The following WNK1 variants were observed in gnomAD, a reference collection of about 807,000 sequenced individuals.
The protein encoded by WNK1 is WNK lysine deficient protein kinase 1.
A neutral mutation model predicts 222.8 loss-of-function variants in WNK1; 38 were observed. The observed-to-expected ratio is 0.17, with a 90% CI of 0.13 to 0.22. WNK1 has a LOEUF of 0.22. WNK1 is among the 10% of genes least tolerant of loss of function. WNK1 has a pLI of 1.00. For synonymous variants in WNK1, 1,090 were observed against 1,092.9 expected (o/e 1.00, Z 0.05); for missense variants, 2,348 against 2,918.4 (o/e 0.80, Z 4.50).
intron 1 of WNK1, among the ~76,000 whole-genome samples, chr12:755,782 C>G (rs915311337): frequency 2.6e-5 from 4 of 152,206 alleles, no homozygotes; most frequent in African/African-American, 9.6e-5. Context: ...CGAGACCAGC[C>G]TGACCAACAT....
At chr12:756,582 CT>C (rs1940070771) in intron 1 of WNK1, among the ~76,000 whole-genome samples, 3 of 152,280 alleles carry the variant, frequency 2.0e-5, no homozygotes, top group Admixed American at 6.5e-5. Flanking sequence ...GTCTGTGCTT[CT>C]GTAATTTTTT....
At position 862,170 on chromosome 12, in the gene WNK1, A is replaced by T; in HGVS notation, c.2039A>T (p.Gln680Leu). Residue 680 changes from glutamine (Q) to leucine (L), a missense_variant, in exon 8 of 28, where the codon CAA becomes CTA. Physicochemically the swap from Gln to Leu is moderately radical, Grantham distance 113. Coordinates refer to ENST00000315939, the MANE Select transcript of WNK1 (RefSeq NM_018979.4). ...CAACAGACAGTTTCATATGGTTCCC[A>T]ACATGAACAGGCACATTCTACAGGC... Reference protein sequence around the residue: ...SSQQTVSYGSQHEQAHSTGTV... With the variant: ...SSQQTVSYGSLHEQAHSTGTV... The T allele has an allele frequency of 1.2e-6, 2 of 1,614,176 alleles. No individual in the cohort carries two copies. Among genetic ancestry groups the T allele is most frequent in the Non-Finnish European group, 1.7e-6 (2 of 1,180,016 alleles).
At chr12:775,296 A>G (rs138562360) in intron 1 of WNK1, among the ~76,000 whole-genome samples, 2 of 152,330 alleles carry the variant, frequency 1.3e-5, no homozygotes, top group Non-Finnish European at 1.5e-5. Flanking sequence ...ACTGAATACA[A>G]TGAGATAAAT....
intron 1 of WNK1, among the ~76,000 whole-genome samples, chr12:784,087 G>A (rs1944020879): frequency 6.7e-6 from 1 of 150,122 alleles, no homozygotes; most frequent in Non-Finnish European, 1.5e-5. Flanking sequence ...CAGGCACAGT[G>A]GCATGTGCCT....
At chr12:758,152 T>C (rs1940454886) in intron 1 of WNK1, among the ~76,000 whole-genome samples, 1 of 146,628 alleles carries the variant, frequency 6.8e-6, no homozygotes, top group Admixed American at 6.7e-5. Context: ...TGATGCGTTA[T>C]ATGTTGATGA....
chr12:904,129 A>T (rs1955505064), intron 26 of WNK1, among the ~76,000 whole-genome samples: 2 of 152,232 alleles, frequency 1.3e-5, no homozygotes, highest in Admixed American at 6.5e-5. Flanking sequence ...TTGAAATTCA[A>T]GCAGTGAGAC....
intron 4 of WNK1, among the ~76,000 whole-genome samples, chr12:853,698 T>C (rs942006356): frequency 3.3e-5 from 5 of 152,234 alleles, no homozygotes; most frequent in African/African-American, 1.2e-4. Context: ...TAATACATAG[T>C]TTTATTGCCA....
rs1953542458 is a variant in WNK1 at position 885,204 on chromosome 12, C to T, written c.4400C>T (p.Pro1467Leu). The T allele has an allele frequency of 1.2e-6, 2 of 1,614,062 alleles. No individual in the cohort carries two copies. The highest frequency in any genetic ancestry group is 8.5e-7 in the Non-Finnish European group (1 of 1,180,032). Reference sequence around the variant, plus strand: ...TCTGCAGGGGGCAGTACTGCTACCCCAGGTCCTAAGCCTCCAGCTGTAGTA... The same window carrying T: ...TCTGCAGGGGGCAGTACTGCTACCCTAGGTCCTAAGCCTCCAGCTGTAGTA... The part of the protein sequence containing the change: ...SASAGGSTAT[P>L]GPKPPAVVSQ... Residue 1467 changes from proline to leucine, a missense_variant, in exon 19 of 28, where the codon CCA becomes CTA. Transcript: ENST00000315939.
At chr12:906,065 G>A (rs1052401537) in intron 26 of WNK1, among the ~76,000 whole-genome samples, 1 of 152,174 alleles carries the variant, frequency 6.6e-6, no homozygotes, top group African/African-American at 2.4e-5. Context: ...CTTTGAAGTG[G>A]CAGGATTGCG....
rs1290917021 is a variant in WNK1, at chr12:774,202, CTTT to C, written c.759+19879_759+19881del. Among the ~76,000 whole-genome samples the C allele has an allele frequency of 3.8e-4, 58 of 152,306 alleles. 1 individual carries two copies. Among genetic ancestry groups the C allele is most frequent in the African/African-American group, 1.4e-3 (57 of 41,566 alleles). On this transcript the variant is annotated intron_variant, in intron 1 of 27. Coordinates refer to ENST00000315939, the MANE Select transcript of WNK1 (RefSeq NM_018979.4). ...TACAGAGAATATTGGGTAATAGGATCTTTGCACAATTTTCCGAAGGAAAGTTTT... is the reference window on the plus strand; with the variant it reads ...TACAGAGAATATTGGGTAATAGGATCGCACAATTTTCCGAAGGAAAGTTTT...
At chr12:786,520 T>G (rs1049092897) in intron 1 of WNK1, among the ~76,000 whole-genome samples, 1 of 150,012 alleles carries the variant, frequency 6.7e-6, no homozygotes, top group African/African-American at 2.4e-5. Flanking sequence ...CAGGCTGGAG[T>G]GCAGTGGCAC....
Position 754,175 on chromosome 12 carries a change from A to T in WNK1, c.610A>T (p.Ile204Phe), listed in dbSNP as rs778989852. The T allele has an allele frequency of 1.9e-6, 3 of 1,613,478 alleles. No individual in the cohort carries two copies. The highest frequency in any genetic ancestry group is 2.5e-6 in the Non-Finnish European group (3 of 1,180,034). Residue 204 changes from isoleucine (I) to phenylalanine (F), a missense_variant, in exon 1 of 28, where the codon ATC (isoleucine) becomes TTC (phenylalanine). Around this residue, in one of 13 missense-constraint regions of WNK1, gnomAD observed 185 missense variants for 159.2 expected, o/e 1.16. Coordinates refer to ENST00000315939, the MANE Select transcript of WNK1 (RefSeq NM_018979.4). ...GGAACGGAGCCAGCAGCAGGATGAT[A>T]TCGAAGAGCTGGAGACCAAGGCCGT... ...QEERSQQQDD[I>F]EELETKAVGM...
chr12:776,482 G>A (rs1943111193), intron 1 of WNK1, among the ~76,000 whole-genome samples: 2 of 150,342 alleles, frequency 1.3e-5, no homozygotes, highest in African/African-American at 4.9e-5. Flanking sequence ...CCCAGGCTGA[G>A]TGCAGTGGCG....
chr12:849,040 G>A (rs1027878893), intron 4 of WNK1, among the ~76,000 whole-genome samples: 2 of 152,024 alleles, frequency 1.3e-5, no homozygotes, highest in Non-Finnish European at 2.9e-5. Context: ...AGCCAAGCAT[G>A]GTCCTACACA....
At chr12:795,684 T>C (rs534259401) in intron 1 of WNK1, among the ~76,000 whole-genome samples, 1 of 152,306 alleles carries the variant, frequency 6.6e-6, no homozygotes, top group East Asian at 1.9e-4. Flanking sequence ...ACAGTTTCTA[T>C]AGTTCGTGTC....
At chr12:852,826 A>G (rs971435113) in intron 4 of WNK1, among the ~76,000 whole-genome samples, 2 of 152,180 alleles carry the variant, frequency 1.3e-5, no homozygotes, top group Admixed American at 6.5e-5. Context: ...ACAGCTTTCT[A>G]TTACATGTCC....
chr12:889,374 G>A, intron 21 of WNK1, 151 bp downstream of exon 21: 2 of 743,808 alleles, frequency 2.7e-6, no homozygotes, highest in South Asian at 1.5e-5. Flanking sequence ...ACTGATTAAT[G>A]AAAGATTCAT....
chr12:840,262 G>A (rs1305982357), intron 4 of WNK1, among the ~76,000 whole-genome samples: 1 of 150,128 alleles, frequency 6.7e-6, no homozygotes, highest in Admixed American at 6.7e-5. Context: ...TGAATCGCTA[G>A]GACTACAGAC....
At chr12:789,984 A>G (rs963498881) in intron 1 of WNK1, among the ~76,000 whole-genome samples, 2 of 152,230 alleles carry the variant, frequency 1.3e-5, no homozygotes, top group Non-Finnish European at 2.9e-5. Context: ...TGGAACTTCC[A>G]TGATTGGGTT....
Sources: gnomAD v4.1 joint callset for allele counts (sites outside exome capture counted in the v4.1 genomes callset) on GRCh38, gnomAD v4.1.1 for gene constraint, gnomAD v4.1.1 regional missense constraint, MANE v1.5 for transcripts, NCBI Gene and HGNC (gene_info 2026-07-23, HGNC 2026-07-21) for gene names.